The following GALP variants were observed in gnomAD, a reference collection of about 807,000 sequenced individuals.
GALP encodes the protein galanin like peptide, also known as galanin-like peptide.
In GALP, 12 loss-of-function variants were observed where a neutral mutation model predicts 15.2. That is an observed-to-expected ratio of 0.79 (90% CI 0.51 to 1.28). The LOEUF (loss-of-function observed/expected upper bound fraction) is 1.28, where lower values mean the gene tolerates loss of function less well. Ranked by LOEUF, GALP falls within the 50% of genes most tolerant of loss-of-function variation. The pLI is 0.00. For missense variants in GALP, 161 were observed against 145.6 expected (o/e 1.11, Z -0.55); for synonymous variants, 58 against 55.1 (o/e 1.05, Z -0.23).
At chr19:56,178,767 G>A (rs913712320) in intron 2 of GALP, among the ~76,000 whole-genome samples, 1 of 152,158 alleles carries the variant, frequency 6.6e-6, no homozygotes, top group African/African-American at 2.4e-5. Flanking sequence ...CCCGTGATGT[G>A]AATTAGCTAA....
intron 5 of GALP, among the ~76,000 whole-genome samples, chr19:56,184,154 C>T (rs2032615219): frequency 6.6e-6 from 1 of 151,974 alleles, no homozygotes; most frequent in South Asian, 2.1e-4. Flanking sequence ...CGGGGTTTTG[C>T]CATGTTAGCC....
intron 3 of GALP, among the ~76,000 whole-genome samples, chr19:56,181,638 C>T (rs1276520328): frequency 6.6e-6 from 1 of 151,968 alleles, no homozygotes; most frequent in Non-Finnish European, 1.5e-5. Flanking sequence ...GAACTCCCAA[C>T]CTCAGGTGAT....
chr19:56,180,302 C>G (rs1450577573), intron 2 of GALP, among the ~76,000 whole-genome samples: 1 of 152,196 alleles, frequency 6.6e-6, no homozygotes, highest in East Asian at 1.9e-4. Flanking sequence ...TCCTGCATAA[C>G]TGAAATTATA....
At position 56,182,072 on chromosome 19, in the gene GALP, C is replaced by T. The variant is rs2032575723; in HGVS notation, c.137-100C>T. 1.1e-5 allele frequency: 9 copies of T among 827,026 alleles called. No homozygotes were observed. In the East Asian group the frequency reaches 1.5e-4, roughly 14 times the overall value. 51.2% of individuals were successfully genotyped at this position (827,026 alleles called of 1,614,324 possible). ...CCCCGTCCGACAGACTTGGTGGAGG[C>T]GCTGCGTCCGGTGAGCCATGCTGTT... On this transcript the variant is annotated intron_variant, in intron 3 of 5. Coordinates refer to ENST00000357330, the MANE Select transcript of GALP (RefSeq NM_033106.4).
At chr19:56,183,010 C>T (rs2032592773) in intron 4 of GALP, 125 bp from the exon 5 acceptor site, 10 of 681,246 alleles carry the variant, frequency 1.5e-5, no homozygotes, top group Middle Eastern at 6.6e-4. Context: ...TCCCTCCTCC[C>T]CCTGCTCCAC....
chr19:56,176,963 G>T, intron 1 of GALP, 107 bp from the exon 2 acceptor site: 1 of 594,236 alleles, frequency 1.7e-6, no homozygotes, highest in Non-Finnish European at 3.0e-6. Context: ...CGCCATTTTT[G>T]TATCTCGATG....
chr19:56,176,713 T>C (rs189934063), intron 1 of GALP, among the ~76,000 whole-genome samples: 2 of 133,868 alleles, frequency 1.5e-5, no homozygotes, highest in Admixed American at 1.6e-4. Context: ...GAGGGGCTCC[T>C]GGGAGAGTGA....
chr19:56,183,962 AT>A (rs1000748856), intron 5 of GALP, among the ~76,000 whole-genome samples: 360 of 142,878 alleles, frequency 2.5e-3, no homozygotes, highest in African/African-American at 7.8e-3. Context: ...CATTCATTCT[AT>A]TTTTTTTTTT....
chr19:56,180,730 T>A, intron 3 of GALP, 96 bp downstream of exon 3: 1 of 916,592 alleles, frequency 1.1e-6, no homozygotes, highest in Admixed American at 1.9e-5. Context: ...CTCACCCACA[T>A]TCACTGAGGC....
At chr19:56,178,896 C>T (rs920359192) in intron 2 of GALP, among the ~76,000 whole-genome samples, 6 of 152,208 alleles carry the variant, frequency 3.9e-5, no homozygotes, top group African/African-American at 1.4e-4. Context: ...ATCTACCGGC[C>T]GGGCACGGTG....
intron 3 of GALP, among the ~76,000 whole-genome samples, 198 bp from the exon 4 acceptor site, chr19:56,181,974 G>C (rs1190385952): frequency 1.3e-5 from 2 of 152,176 alleles, no homozygotes; most frequent in Non-Finnish European, 2.9e-5. Flanking sequence ...ATTAGCAGCA[G>C]GGTAATTTCG....
chr19:56,179,648 T>TC (rs1370500438), intron 2 of GALP, among the ~76,000 whole-genome samples: 4 of 151,000 alleles, frequency 2.6e-5, no homozygotes, highest in Admixed American at 2.6e-4. Context: ...CTCTTTTTTT[T>TC]TTTTTTTTTC....
intron 1 of GALP, 42 bp from the exon 2 acceptor site, chr19:56,177,028 G>A (rs1021352337): frequency 1.0e-6 from 1 of 981,732 alleles, no homozygotes; most frequent in African/African-American, 1.6e-5. Flanking sequence ...AAATGCACCT[G>A]GCCCCCGCTT....
intron 4 of GALP, 35 bp from the exon 5 acceptor site, chr19:56,183,100 G>T (rs765181454): frequency 6.8e-7 from 1 of 1,459,856 alleles, no homozygotes; most frequent in South Asian, 1.1e-5. Flanking sequence ...TTGTAACTAC[G>T]AACGTGTGTG....
Position 56,179,488 on chromosome 19 carries a change from A to ATT in GALP, c.88-1095_88-1094dup, listed in dbSNP as rs1268250406. Among the ~76,000 whole-genome samples, 31 of 149,784 alleles carry ATT rather than the reference A, an allele frequency of 2.1e-4. No individual in the cohort carries two copies. The East Asian group carries it at 4.7e-3, about 22-fold the overall frequency. On this transcript the variant is annotated intron_variant, in intron 2 of 5. Transcript: ENST00000357330. ...ACGCCCGGCTATTATATATATATAT[A>ATT]TTTTGTATTTTTAGTAGAGATGGGG...
chr19:56,182,176 C>T lies in GALP; in HGVS notation c.141C>T (p.Leu47=). 6.2e-7 allele frequency: 1 copy of T among 1,613,384 alleles called. No homozygotes were observed. The highest frequency in any genetic ancestry group is 1.1e-5 in the South Asian group (1 of 91,056). The change falls in exon 4 of 6, where the codon CTC becomes CTT. Residue 47 remains leucine, a synonymous_variant. Transcript: ENST00000357330. ...NSAGYLLGPV[L]HLPQMGDQDG... ...GCTCTCTCCCTCCCTACCCAGTCCT[C>T]CACCTTCCCCAAATGGGTGACCAAG...
In GALP at chr19:56,185,293, A is replaced by G; in HGVS notation, c.*23A>G. 2.0e-6 allele frequency: 3 copies of G among 1,504,454 alleles called. No homozygotes were observed. The highest frequency in any genetic ancestry group is 1.2e-5 in the South Asian group (1 of 86,702). The allele number at this position is 1,504,454 out of a possible 1,614,324, so 93.2% of individuals were successfully genotyped here. A position where few individuals can be genotyped will look rare whatever the true frequency, so the allele number is the denominator to read the frequency against. On this transcript the variant is annotated 3_prime_UTR_variant, in exon 6 of 6. Transcript: ENST00000357330. The stretch of plus-strand genomic sequence containing the variant: ...TAGATGTCTTCAAATCCCTGTTCCT[A>G]TCCTTCTTCTCCAGCTCCTCCTGCT...
intron 5 of GALP, among the ~76,000 whole-genome samples, chr19:56,184,764 T>C (rs967609515): frequency 1.3e-4 from 19 of 151,174 alleles, no homozygotes; most frequent in African/African-American, 4.4e-4. Flanking sequence ...ATTACAGGCA[T>C]GAGCCACTGC....
chr19:56,181,395 C>CCT (rs2032564594), intron 3 of GALP, among the ~76,000 whole-genome samples: 1 of 81,318 alleles, frequency 1.2e-5, no homozygotes, highest in African/African-American at 5.8e-5. Context: ...TCTCTCTCTC[C>CCT]TTTTTTTTTT....
Sources: gnomAD v4.1 joint callset for allele counts (sites outside exome capture counted in the v4.1 genomes callset) on GRCh38, gnomAD v4.1.1 for gene constraint, MANE v1.5 for transcripts, NCBI Gene and HGNC (gene_info 2026-07-23, HGNC 2026-07-21) for gene names.